Variants in HNF4G observed in about 807,000 individuals in gnomAD.
HNF4G encodes the protein hepatocyte nuclear factor 4-gamma.
In HNF4G, 21 loss-of-function variants were observed where a neutral mutation model predicts 50.9. The ratio of observed to expected loss-of-function variants is 0.41; its 90% CI spans 0.29 to 0.59. The LOEUF (loss-of-function observed/expected upper bound fraction) is 0.59, where lower values mean the gene tolerates loss of function less well. HNF4G is among the 20% of genes least tolerant of loss of function. HNF4G has a pLI of 0.26. For missense variants in HNF4G, 527 were observed against 559.4 expected (o/e 0.94, Z 0.58); for synonymous variants, 198 against 185.6 (o/e 1.07, Z -0.54).
At chr8:75,440,719 C>A (rs1811259453) in intron 1 of HNF4G, among the ~76,000 whole-genome samples, 1 of 151,968 alleles carries the variant, frequency 6.6e-6, no homozygotes. Flanking sequence ...AATTTTACAG[C>A]CCTAATTTAG....
chr8:75,516,465 T>C (rs1269516979), intron 2 of HNF4G, among the ~76,000 whole-genome samples: 4 of 152,226 alleles, frequency 2.6e-5, no homozygotes, highest in African/African-American at 9.7e-5. Flanking sequence ...TATTTTTCAA[T>C]GTTTATTTTA....
At chr8:75,427,906 AG>A (rs1167596700) in intron 1 of HNF4G, among the ~76,000 whole-genome samples, 1 of 152,174 alleles carries the variant, frequency 6.6e-6, no homozygotes, top group Admixed American at 6.5e-5. Context: ...TCTTTTCCTC[AG>A]GGTGCATCCT....
rs34511777 is a variant in HNF4G at position 75,423,335 on chromosome 8, CTTTTTTTTTTTT to C, written c.-144+15184_-144+15195del. On this transcript the variant is annotated intron_variant, in intron 1 of 10. Coordinates refer to the HNF4G transcript ENST00000354370. ...CAGTATATTTATGACTTTTCTTTAT[CTTTTTTTTTTTT>C]TTTTTTTTTTGAGATGGAGTCTCAC... 2.1e-4 allele frequency among the ~76,000 whole-genome samples: 20 copies of C among 94,614 alleles called. No homozygotes were observed. In the East Asian group the frequency reaches 7.1e-3, roughly 34 times the overall value. 62.1% of individuals were successfully genotyped at this position (94,614 alleles called of 152,430 possible).
intron 2 of HNF4G, among the ~76,000 whole-genome samples, chr8:75,496,496 C>T (rs1198449397): frequency 6.6e-6 from 1 of 151,962 alleles, no homozygotes; most frequent in Non-Finnish European, 1.5e-5. Context: ...TTTCTCAGGG[C>T]ATTTTCAAAC....
chr8:75,542,063 G>A (rs1806635816), intron 1 of HNF4G, among the ~76,000 whole-genome samples: 1 of 152,118 alleles, frequency 6.6e-6, no homozygotes, highest in Non-Finnish European at 1.5e-5. Flanking sequence ...CACTTTGGGA[G>A]GCTAAGGCAG....
At chr8:75,560,779 T>C (rs772805079) in intron 9 of HNF4G, among the ~76,000 whole-genome samples, 2 of 152,178 alleles carry the variant, frequency 1.3e-5, no homozygotes, top group Non-Finnish European at 2.9e-5. Context: ...GCTGAAACCA[T>C]GCAAGGGAAT....
rs1381021038 is a variant in HNF4G, at chr8:75,445,670, G to A, written c.-144+37508G>A. On this transcript the variant is annotated intron_variant, in intron 1 of 10. Transcript: ENST00000354370. ...CAAACACCTCTACGCAAATAAACTA[G>A]AAAATCGAGAAGAAATGGATACATT... is the stretch of plus-strand genomic sequence containing the variant. Among the ~76,000 whole-genome samples the A allele has an allele frequency of 1.0e-4, 13 of 124,710 alleles. No individual in the cohort carries two copies. In the South Asian group the frequency reaches 3.3e-3, roughly 31 times the overall value. 81.8% of individuals were successfully genotyped at this position (124,710 alleles called of 152,430 possible). A position where few individuals can be genotyped will look rare whatever the true frequency, so the allele number is the denominator to read the frequency against.
intron 1 of HNF4G, among the ~76,000 whole-genome samples, chr8:75,410,376 A>T (rs1461263221): frequency 6.6e-6 from 1 of 152,170 alleles, no homozygotes; most frequent in Non-Finnish European, 1.5e-5. Flanking sequence ...TTGATTCCTC[A>T]TTGTTGGGAA....
intron 1 of HNF4G, among the ~76,000 whole-genome samples, chr8:75,461,387 T>G (rs1157538350): frequency 6.6e-6 from 1 of 152,184 alleles, no homozygotes; most frequent in African/African-American, 2.4e-5. Context: ...CCTCAGCTTC[T>G]GCTATTACAT....
chr8:75,558,688 C>A lies in HNF4G; in HGVS notation c.886+18C>A. 1.9e-6 allele frequency: 3 copies of A among 1,602,864 alleles called. No homozygotes were observed. The highest frequency in any genetic ancestry group is 2.6e-6 in the Non-Finnish European group (3 of 1,173,204). On this transcript the variant is annotated intron_variant, in intron 7 of 9. Coordinates refer to ENST00000396423, the MANE Select transcript of HNF4G (RefSeq NM_004133.5). The stretch of plus-strand genomic sequence containing the variant: ...TGATCCAGGTTGGTTTTCAAAATTC[C>A]ACTAGAGAATTAATATAATAAAAAT...
At chr8:75,539,846 G>A (rs1806563944), upstream of HNF4G, 1 of 615,230 alleles carries the variant, frequency 1.6e-6, no homozygotes, top group Non-Finnish European at 3.0e-6. Context: ...CAGCTCTTAA[G>A]TCACTCAGTT....
chr8:75,549,041 C>T (rs541188460), intron 3 of HNF4G, among the ~76,000 whole-genome samples: 31 of 152,272 alleles, frequency 2.0e-4, no homozygotes, highest in African/African-American at 6.0e-4. Flanking sequence ...ACTTGAACTC[C>T]ATGTTTATCC....
At chr8:75,470,265 C>A (rs1812084229) in intron 1 of HNF4G, among the ~76,000 whole-genome samples, 1 of 152,126 alleles carries the variant, frequency 6.6e-6, no homozygotes, top group Non-Finnish European at 1.5e-5. Flanking sequence ...ATTATAAAAG[C>A]ATTAAAAGAT....
chr8:75,425,108 C>A (rs969903855), intron 1 of HNF4G, among the ~76,000 whole-genome samples: 18 of 70,562 alleles, frequency 2.6e-4, no homozygotes, highest in African/African-American at 1.1e-3. Context: ...TTATTTTAGA[C>A]GGAGTCTCGC....
intron 1 of HNF4G, among the ~76,000 whole-genome samples, chr8:75,460,335 T>C (rs1811814145): frequency 6.6e-6 from 1 of 152,136 alleles, no homozygotes; most frequent in African/African-American, 2.4e-5. Context: ...TTACATTTAA[T>C]CTATAAATGC....
chr8:75,565,914 T>A lies in HNF4G; in HGVS notation c.*1818T>A, dbSNP rs894264693. ...AAATATATCATATGGGGGGAGTTTT[T>A]TAACTCTTATTTTTTGAAAATTTAC... is the stretch of plus-strand genomic sequence containing the variant. On this transcript the variant is annotated 3_prime_UTR_variant, in exon 10 of 10. Coordinates refer to ENST00000396423, the MANE Select transcript of HNF4G (RefSeq NM_004133.5). 1 of 152,156 alleles carries A rather than the reference T, an allele frequency of 6.6e-6. No homozygotes were observed. Among genetic ancestry groups the A allele is most frequent in the African/African-American group, 2.4e-5 (1 of 41,446 alleles). The allele number at this position is 152,156 out of a possible 1,614,324, so 9.4% of individuals were successfully genotyped here. A position where few individuals can be genotyped will look rare whatever the true frequency, so the allele number is the denominator to read the frequency against.
At chr8:75,491,125 C>T (rs925464265) in intron 2 of HNF4G, among the ~76,000 whole-genome samples, 6 of 152,122 alleles carry the variant, frequency 3.9e-5, no homozygotes, top group Admixed American at 2.6e-4. Context: ...AATTAGCCCT[C>T]ATAAACATCA....
chr8:75,482,641 T>C (rs1381149509), intron 1 of HNF4G, among the ~76,000 whole-genome samples: 1 of 152,210 alleles, frequency 6.6e-6, no homozygotes, highest in Non-Finnish European at 1.5e-5. Flanking sequence ...GTGCTGGGAT[T>C]ACAGGTGTGA....
At chr8:75,542,973 G>A (rs559682274) in intron 1 of HNF4G, among the ~76,000 whole-genome samples, 1 of 152,156 alleles carries the variant, frequency 6.6e-6, no homozygotes, top group African/African-American at 2.4e-5. Context: ...ACCGCCTGCT[G>A]AGGTGGGCAG....
Sources: allele counts gnomAD v4.1 joint callset (sites outside exome capture counted in the v4.1 genomes callset), GRCh38; gene constraint gnomAD v4.1.1; transcripts MANE v1.5; gene names NCBI Gene and HGNC (gene_info 2026-07-23, HGNC 2026-07-21).